CCSER1: variants seen among roughly 807,000 people sequenced by gnomAD.
CCSER1 encodes the protein serine-rich coiled-coil domain-containing protein 1.
Under a neutral mutation model 82.0 loss-of-function variants are expected in CCSER1, and 41 were observed. The ratio of observed to expected loss-of-function variants is 0.50; its 90% CI spans 0.39 to 0.65. The LOEUF (loss-of-function observed/expected upper bound fraction) is 0.65. Ranked by LOEUF, CCSER1 falls within the 30% of genes least tolerant of loss-of-function variation. The pLI is 0.00. For missense variants in CCSER1, 1,119 were observed against 1,064.2 expected, an observed-to-expected ratio of 1.05 and a Z score of -0.72; for synonymous variants, 414 against 383.9, an observed-to-expected ratio of 1.08 and a Z score of -0.92.
At chr4:90,999,706 T>C (rs752009296) in intron 9 of CCSER1, among the ~76,000 whole-genome samples, 1 of 152,200 alleles carries the variant, frequency 6.6e-6, no homozygotes, top group African/African-American at 2.4e-5. Flanking sequence ...TGATAGTTTC[T>C]TTTGCTGTGC....
intron 1 of CCSER1, among the ~76,000 whole-genome samples, chr4:90,168,478 A>G (rs1430163926): frequency 6.6e-6 from 1 of 152,118 alleles, no homozygotes; most frequent in Non-Finnish European, 1.5e-5. Flanking sequence ...TCTTTAGTTT[A>G]ATTAGATCCC....
At chr4:91,094,550 G>A (rs553788914) in intron 10 of CCSER1, among the ~76,000 whole-genome samples, 1 of 152,270 alleles carries the variant, frequency 6.6e-6, no homozygotes, top group East Asian at 1.9e-4. Context: ...GTTCCATGGA[G>A]ATTGTCAAGG....
intron 10 of CCSER1, among the ~76,000 whole-genome samples, chr4:91,463,498 G>T (rs4637361): frequency 3.3e-5 from 5 of 152,172 alleles, no homozygotes; most frequent in Non-Finnish European, 4.4e-5. Flanking sequence ...CAGAACAAAG[G>T]TGGACAGAGA....
At chr4:91,589,895 C>T (rs1387925425) in intron 10 of CCSER1, among the ~76,000 whole-genome samples, 3 of 146,304 alleles carry the variant, frequency 2.1e-5, no homozygotes, top group African/African-American at 4.9e-5. Context: ...TGGGTGATCA[C>T]ACATATACAC....
intron 10 of CCSER1, among the ~76,000 whole-genome samples, chr4:91,482,473 C>T (rs551656556): frequency 1.4e-5 from 2 of 145,402 alleles, no homozygotes; most frequent in Non-Finnish European, 1.5e-5. Context: ...TGTAGAAATA[C>T]GAATGCTTTT....
intron 1 of CCSER1, among the ~76,000 whole-genome samples, chr4:90,241,816 A>G (rs1040145940): frequency 2.0e-5 from 3 of 152,250 alleles, no homozygotes; most frequent in African/African-American, 7.2e-5. Context: ...TAATTGTAAT[A>G]TGGAAAATAG....
intron 9 of CCSER1, among the ~76,000 whole-genome samples, chr4:90,960,007 C>T (rs1386346998): frequency 6.6e-6 from 1 of 152,078 alleles, no homozygotes; most frequent in Admixed American, 6.6e-5. Context: ...CTTAATTGTG[C>T]TCCAGCAAGA....
At chr4:90,328,348 TG>T (rs202090741) in intron 3 of CCSER1, among the ~76,000 whole-genome samples, 380 of 147,734 alleles carry the variant, frequency 2.6e-3, no homozygotes, top group African/African-American at 9.0e-3. Flanking sequence ...CTTTTTTTTT[TG>T]ATGTATATTG....
intron 8 of CCSER1, among the ~76,000 whole-genome samples, chr4:90,911,592 G>A (rs948123411): frequency 2.0e-5 from 3 of 152,146 alleles, no homozygotes; most frequent in Admixed American, 2.0e-4. Flanking sequence ...TCCAACTGAG[G>A]TACCGGGTTC....
chr4:91,395,947 C>T (rs1751951867), intron 10 of CCSER1, among the ~76,000 whole-genome samples: 1 of 152,058 alleles, frequency 6.6e-6, no homozygotes, highest in South Asian at 2.1e-4. Flanking sequence ...TACTTTTGCA[C>T]AGAATAAAAT....
At chr4:90,569,836 C>T (rs1224613368) in intron 5 of CCSER1, among the ~76,000 whole-genome samples, 1 of 152,154 alleles carries the variant, frequency 6.6e-6, no homozygotes, top group East Asian at 1.9e-4. Context: ...ATCCATCCAC[C>T]CCCTTGCCTG....
chr4:91,393,350 A>G (rs1751776517), intron 10 of CCSER1, among the ~76,000 whole-genome samples: 1 of 152,148 alleles, frequency 6.6e-6, no homozygotes, highest in Admixed American at 6.6e-5. Flanking sequence ...TTTTTGAACC[A>G]TGCATGAAAT....
At chr4:91,458,173 A>T (rs1383244742) in intron 10 of CCSER1, among the ~76,000 whole-genome samples, 1 of 151,998 alleles carries the variant, frequency 6.6e-6, no homozygotes, top group African/African-American at 2.4e-5. Context: ...TTGTTTTTGT[A>T]TATATAGAGA....
At chr4:90,352,339 C>CA (rs908872660) in intron 3 of CCSER1, among the ~76,000 whole-genome samples, 3 of 147,724 alleles carry the variant, frequency 2.0e-5, no homozygotes, top group Non-Finnish European at 1.5e-5. Flanking sequence ...AATCAAAAAC[C>CA]AAAAAAACAA....
At chr4:90,259,559 G>T (rs1014205553) in intron 1 of CCSER1, among the ~76,000 whole-genome samples, 1 of 151,924 alleles carries the variant, frequency 6.6e-6, no homozygotes, top group African/African-American at 2.4e-5. Context: ...CAGTTCTCAG[G>T]GGAAATGCTT....
chr4:91,022,153 CCCCCCA>C (rs1740042161), intron 9 of CCSER1, among the ~76,000 whole-genome samples: 1 of 117,584 alleles, frequency 8.5e-6, no homozygotes, highest in South Asian at 3.4e-4. Context: ...CCTCCCCCCT[CCCCCCA>C]CCCCACACCA....
intron 5 of CCSER1, among the ~76,000 whole-genome samples, chr4:90,596,345 C>G (rs1035034327): frequency 3.3e-4 from 50 of 151,764 alleles, no homozygotes; most frequent in African/African-American, 1.2e-3. Flanking sequence ...TTTTCATGGT[C>G]TGTTCATATC....
At chr4:90,747,563 AC>A (rs1311532639) in intron 7 of CCSER1, among the ~76,000 whole-genome samples, 1 of 151,506 alleles carries the variant, frequency 6.6e-6, no homozygotes, top group Non-Finnish European at 1.5e-5. Context: ...AATTTAATCT[AC>A]CTGTTTTCAG....
intron 10 of CCSER1, among the ~76,000 whole-genome samples, chr4:91,358,931 G>A (rs75296179): frequency 0.32 from 48,811 of 151,762 alleles, 8,664 homozygotes; most frequent in African/African-American, 0.46. Flanking sequence ...CAGTCACCTC[G>A]CTTCCCAGTC....
Sources: gnomAD v4.1 joint callset for allele counts (sites outside exome capture counted in the v4.1 genomes callset) on GRCh38, gnomAD v4.1.1 for gene constraint, MANE v1.5 for transcripts, NCBI Gene and HGNC (gene_info 2026-07-23, HGNC 2026-07-21) for gene names.